CEMIP2: variants seen among roughly 807,000 people sequenced by gnomAD.
The protein encoded by CEMIP2 is cell migration inducing hyaluronidase 2, also known as cell surface hyaluronidase CEMIP2.
Under a neutral mutation model 146.9 loss-of-function variants are expected in CEMIP2, and 79 were observed. The ratio of observed to expected loss-of-function variants is 0.54; its 90% CI spans 0.45 to 0.65. The LOEUF is 0.65. Ranked by LOEUF, CEMIP2 falls within the 30% of genes least tolerant of loss-of-function variation. The pLI, the probability that CEMIP2 is intolerant of heterozygous loss-of-function variation, is 0.00. For synonymous variants in CEMIP2, 601 were observed against 606.3 expected, an observed-to-expected ratio of 0.99 and a Z score of 0.13; for missense variants, 1,596 against 1,696.2, an observed-to-expected ratio of 0.94 and a Z score of 1.04.
intron 21 of CEMIP2, among the ~76,000 whole-genome samples, chr9:71,691,911 GCCC>G (rs1466829568): frequency 6.6e-6 from 1 of 151,922 alleles, no homozygotes; most frequent in Non-Finnish European, 1.5e-5. Flanking sequence ...TTCAAGACCA[GCCC>G]CCTGGCCAAC....
At chr9:71,761,657 G>T (rs1824641105) in intron 1 of CEMIP2, among the ~76,000 whole-genome samples, 1 of 152,158 alleles carries the variant, frequency 6.6e-6, no homozygotes, top group Non-Finnish European at 1.5e-5. Flanking sequence ...GGTCAGCTTT[G>T]AGCATCTCTT....
intron 2 of CEMIP2, 91 bp from the exon 3 acceptor site, chr9:71,746,432 CA>C: frequency 6.8e-7 from 1 of 1,471,226 alleles, no homozygotes; most frequent in Non-Finnish European, 9.2e-7. Context: ...TGCAGATCTG[CA>C]AAAAATGTGC....
chr9:71,726,518 C>T (rs1823390032), intron 10 of CEMIP2, among the ~76,000 whole-genome samples: 1 of 152,130 alleles, frequency 6.6e-6, no homozygotes, highest in African/African-American at 2.4e-5. Context: ...TTATTTAGTG[C>T]CCACTATATG....
chr9:71,732,072 T>TGC, intron 7 of CEMIP2, among the ~76,000 whole-genome samples: 1 of 149,562 alleles, frequency 6.7e-6, no homozygotes, highest in Non-Finnish European at 1.5e-5. Context: ...TTTTTTTTGT[T>TGC]TTGTTTTGTT....
At chr9:71,754,309 G>A (rs189212525) in intron 1 of CEMIP2, among the ~76,000 whole-genome samples, 1 of 152,296 alleles carries the variant, frequency 6.6e-6, no homozygotes, top group East Asian at 1.9e-4. Context: ...AACAATGGCT[G>A]TTTAATCCCT....
In CEMIP2 at chr9:71,734,869, G is replaced by C; in HGVS notation, c.1330C>G (p.Gln444Glu). 6.2e-7 allele frequency: 1 copy of C among 1,613,930 alleles called. No individual in the cohort carries two copies. The highest frequency in any genetic ancestry group is 8.5e-7 in the Non-Finnish European group (1 of 1,179,970). The change falls in exon 6 of 24, where the codon CAA becomes GAA. Residue 444 changes from glutamine to glutamate, a missense_variant. By Grantham distance (29) the Gln-to-Glu change is conservative. Transcript: ENST00000377044. ...GGAAGAAGAGTGAACTCCTCTGCTT[G>C]GTACATGGAATAGTCTGTGCTTGCG... ...VVASTDYSMY[Q>E]AEEFTLLPCS...
At chr9:71,701,564 C>T (rs2131882223) in intron 18 of CEMIP2, among the ~76,000 whole-genome samples, 1 of 152,156 alleles carries the variant, frequency 6.6e-6, no homozygotes, top group South Asian at 2.1e-4. Context: ...TGTACATTGG[C>T]AAAAGCATTC....
At chr9:71,716,152 T>TAGA (rs1823050698) in intron 14 of CEMIP2, among the ~76,000 whole-genome samples, 1 of 152,142 alleles carries the variant, frequency 6.6e-6, no homozygotes, top group Non-Finnish European at 1.5e-5. Flanking sequence ...GAACTAAACT[T>TAGA]GCTAAATTAG....
At chr9:71,742,531 G>A (rs1823953153) in intron 4 of CEMIP2, among the ~76,000 whole-genome samples, 1 of 152,164 alleles carries the variant, frequency 6.6e-6, no homozygotes, top group African/African-American at 2.4e-5. Context: ...GCAATGGAAC[G>A]CTGGCAAAAG....
rs1554684803 is a variant in CEMIP2, at chr9:71,728,302, C to CGTATATATATATATACGTATATATATAT, written c.2049+1542_2049+1543insATATATATATACGTATATATATATATAC. Reference sequence around the variant, plus strand: ...ATATGTATATATATATATATATATACATATATATATATATACGTATATATA... The same window carrying CGTATATATATATATACGTATATATATAT: ...ATATGTATATATATATATATATATACGTATATATATATATACGTATATATATATATATATATATATATACGTATATATA... On this transcript the variant is annotated intron_variant, in intron 10 of 23. Transcript: ENST00000377044. 1.7e-4 allele frequency among the ~76,000 whole-genome samples: 2 copies of CGTATATATATATATACGTATATATATAT among 11,584 alleles called. 1 individual carries two copies. The highest frequency in any genetic ancestry group is 3.0e-4 in the Non-Finnish European group (2 of 6,762). 7.6% of individuals were successfully genotyped at this position (11,584 alleles called of 152,430 possible). A position where few individuals can be genotyped will look rare whatever the true frequency, so the allele number is the denominator to read the frequency against.
At chr9:71,695,806 T>G (rs1309942938) in intron 20 of CEMIP2, among the ~76,000 whole-genome samples, 5 of 151,876 alleles carry the variant, frequency 3.3e-5, no homozygotes, top group Non-Finnish European at 7.4e-5. Context: ...ATAAATGTGT[T>G]TGGTTTTGAC....
In CEMIP2 at chr9:71,716,529, A is replaced by G; in HGVS notation, c.2423T>C (p.Leu808Pro). 6.3e-7 allele frequency: 1 copy of G among 1,598,446 alleles called. No homozygotes were observed. The highest frequency in any genetic ancestry group is 8.5e-7 in the Non-Finnish European group (1 of 1,173,448). Reference protein sequence around the residue: ...NSAFADNGIGLTFASDGSFPS... With the variant: ...NSAFADNGIGPTFASDGSFPS... ...AGCAATTACAAACCTGGCAAAGGTC[A>G]GTCCTATTCCATTATCTGCAAATCT... The change falls in exon 14 of 24, where the codon CTG becomes CCG. Residue 808 changes from leucine (L) to proline (P), a missense_variant. By Grantham distance (98) the Leu-to-Pro change is moderately conservative (BLOSUM62 -3). Transcript: ENST00000377044.
chr9:71,694,526 C>G lies in CEMIP2; in HGVS notation c.3679G>C (p.Asp1227His). ...SPDKAETQRGDPSVISVNGTD... is the reference protein window; with the variant it reads ...SPDKAETQRGHPSVISVNGTD... Reference sequence around the variant, plus strand: ...GTACTTACAGAAATAACAGACGGGTCTCCACGCTGGGTTTCTGCTTTATCA... The same window carrying G: ...GTACTTACAGAAATAACAGACGGGTGTCCACGCTGGGTTTCTGCTTTATCA... Residue 1227 changes from aspartate to histidine, a missense_variant, in exon 21 of 24, where the codon GAC (aspartate) becomes CAC (histidine). By Grantham distance (81) the Asp-to-His change is moderately conservative. Coordinates refer to ENST00000377044, the MANE Select transcript of CEMIP2 (RefSeq NM_013390.3). 1 of 1,613,666 alleles carries G rather than the reference C, an allele frequency of 6.2e-7. No homozygotes were observed. Among genetic ancestry groups the G allele is most frequent in the Non-Finnish European group, 8.5e-7 (1 of 1,179,720 alleles).
chr9:71,709,537 G>T, intron 16 of CEMIP2, 63 bp from the exon 17 acceptor site: 1 of 1,369,414 alleles, frequency 7.3e-7, no homozygotes, highest in Non-Finnish European at 1.0e-6. Flanking sequence ...AGCATCCCCT[G>T]CAATGACTCA....
chr9:71,689,933 G>A (rs144245619), intron 22 of CEMIP2, among the ~76,000 whole-genome samples, 159 bp downstream of exon 22: 240 of 152,236 alleles, frequency 1.6e-3, no homozygotes, highest in African/African-American at 5.1e-3. Flanking sequence ...CAGCTTAGAC[G>A]ACATGGGCGT....
intron 18 of CEMIP2, 144 bp downstream of exon 18, chr9:71,704,451 C>A: frequency 1.3e-6 from 1 of 777,954 alleles, no homozygotes; most frequent in Non-Finnish European, 2.1e-6. Context: ...TCCATCAACA[C>A]AAAATATACA....
Position 71,736,488 on chromosome 9 carries a change from A to G in CEMIP2, c.1205-1494T>C, listed in dbSNP as rs187406272. On this transcript the variant is annotated intron_variant, in intron 5 of 23. Coordinates refer to ENST00000377044, the MANE Select transcript of CEMIP2 (RefSeq NM_013390.3). ...CTGCAATGTAACCTGAGGTCACATG[A>G]TGGTGCCCCTGTCCAACTCAGCTCC... Among the ~76,000 whole-genome samples the G allele has an allele frequency of 1.7e-3, 256 of 152,304 alleles. 1 individual carries two copies. The highest frequency in any genetic ancestry group is 2.4e-3 in the Non-Finnish European group (163 of 68,024).
intron 12 of CEMIP2, among the ~76,000 whole-genome samples, chr9:71,720,687 A>G (rs542109786): frequency 1.3e-5 from 2 of 152,086 alleles, no homozygotes; most frequent in African/African-American, 4.8e-5. Context: ...CTGGTTTATT[A>G]CTCATTTATG....
At chr9:71,763,216 T>C in intron 1 of CEMIP2, among the ~76,000 whole-genome samples, 1 of 152,154 alleles carries the variant, frequency 6.6e-6, no homozygotes, top group Non-Finnish European at 1.5e-5. Flanking sequence ...AAATGATTCA[T>C]TCTTCAGGGA....
Sources: gnomAD v4.1 joint callset for allele counts (sites outside exome capture counted in the v4.1 genomes callset) on GRCh38, gnomAD v4.1.1 for gene constraint, MANE v1.5 for transcripts, NCBI Gene and HGNC (gene_info 2026-07-23, HGNC 2026-07-21) for gene names.